AGBL4: variants seen among roughly 807,000 people sequenced by gnomAD.
AGBL4 encodes AGBL carboxypeptidase 4.
AGBL4 carries 58 observed loss-of-function variants against 66.4 expected under a neutral mutation model. That is an observed-to-expected ratio of 0.87 (90% CI 0.71 to 1.09). The LOEUF (loss-of-function observed/expected upper bound fraction) is 1.09, where lower values mean the gene tolerates loss of function less well. AGBL4 is among the 50% of genes least tolerant of loss of function. AGBL4 has a pLI of 0.00. For missense variants in AGBL4, 579 were observed against 631.0 expected (o/e 0.92, Z 0.88); for synonymous variants, 234 against 222.9 (o/e 1.05, Z -0.44).
chr1:49,698,953 A>G (rs1181597867), intron 2 of AGBL4, among the ~76,000 whole-genome samples: 1 of 152,036 alleles, frequency 6.6e-6, no homozygotes, highest in African/African-American at 2.4e-5. Flanking sequence ...CATCTTTTAT[A>G]TTATTAAATC....
At chr1:49,792,829 C>T (rs909677094) in intron 2 of AGBL4, among the ~76,000 whole-genome samples, 3 of 151,794 alleles carry the variant, frequency 2.0e-5, no homozygotes, top group African/African-American at 7.3e-5. Flanking sequence ...TAGGTATAGG[C>T]GTAAAACAGA....
At chr1:48,588,501 C>T (rs139822391) in intron 10 of AGBL4, among the ~76,000 whole-genome samples, 273 of 152,220 alleles carry the variant, frequency 1.8e-3, no homozygotes, top group Non-Finnish European at 3.2e-3. Flanking sequence ...GAAGGGCATT[C>T]TATGCTAACC....
intron 3 of AGBL4, among the ~76,000 whole-genome samples, chr1:49,334,604 G>A (rs1645397795): frequency 6.6e-6 from 1 of 152,144 alleles, no homozygotes; most frequent in South Asian, 2.1e-4. Context: ...AAGATTTAAT[G>A]AAGATCGTAT....
intron 4 of AGBL4, among the ~76,000 whole-genome samples, chr1:49,058,105 A>G (rs940475582): frequency 1.4e-4 from 21 of 152,300 alleles, no homozygotes; most frequent in South Asian, 8.3e-4. Context: ...ATAAAGGATT[A>G]ATCATTCACG....
At position 49,832,190 on chromosome 1, in the gene AGBL4, C is replaced by T. The variant is rs532194431; in HGVS notation, c.157+19206G>A. Among the ~76,000 whole-genome samples the T allele has an allele frequency of 4.0e-5, 6 of 150,548 alleles. No individual in the cohort carries two copies. The East Asian group carries it at 9.9e-4, about 25-fold the overall frequency. On this transcript the variant is annotated intron_variant, in intron 2 of 13. Coordinates refer to ENST00000371839, the MANE Select transcript of AGBL4 (RefSeq NM_032785.4). ...GTCCCCAGAGTGTGATGCTCCCCTT[C>T]CTGTGTCCATGTGTTCTCATTGTTC...
chr1:48,899,104 T>TCCGCA (rs1651832900), intron 5 of AGBL4, among the ~76,000 whole-genome samples: 1 of 152,216 alleles, frequency 6.6e-6, no homozygotes, highest in South Asian at 2.1e-4. Context: ...AGGCTGGCCT[T>TCCGCA]CCGCACCGTC....
intron 11 of AGBL4, among the ~76,000 whole-genome samples, chr1:48,577,523 C>G (rs955081151): frequency 6.6e-6 from 1 of 152,038 alleles, no homozygotes; most frequent in Non-Finnish European, 1.5e-5. Context: ...CAGATAAAAC[C>G]CTTAGAAACC....
intron 1 of AGBL4, among the ~76,000 whole-genome samples, chr1:49,891,084 G>A (rs1557552995): frequency 6.6e-6 from 1 of 152,126 alleles, no homozygotes; most frequent in Admixed American, 6.5e-5. Flanking sequence ...CTGAGTTAAG[G>A]GAGACAGTAA....
chr1:49,267,919 T>C (rs1341401778), intron 3 of AGBL4, among the ~76,000 whole-genome samples: 1 of 152,082 alleles, frequency 6.6e-6, no homozygotes, highest in African/African-American at 2.4e-5. Context: ...ACCACCCCCA[T>C]GATTCAATTA....
At chr1:48,750,917 C>A (rs1376535220) in intron 6 of AGBL4, among the ~76,000 whole-genome samples, 1 of 152,126 alleles carries the variant, frequency 6.6e-6, no homozygotes, top group Non-Finnish European at 1.5e-5. Context: ...TCAGAGTACC[C>A]CCTGGAGCAG....
intron 5 of AGBL4, among the ~76,000 whole-genome samples, chr1:49,000,745 A>G (rs1437770994): frequency 6.6e-6 from 1 of 152,206 alleles, no homozygotes; most frequent in Admixed American, 6.5e-5. Flanking sequence ...AAGTGTTTAT[A>G]ACCACTGCAT....
rs540723360 is a variant in AGBL4 at position 48,871,189 on chromosome 1, G to C, written c.595-3959C>G. 7.2e-5 allele frequency among the ~76,000 whole-genome samples: 11 copies of C among 152,254 alleles called. No homozygotes were observed. In the South Asian group the frequency reaches 2.3e-3, roughly 32 times the overall value. Reference sequence around the variant, plus strand: ...ATTATTATAATTGGTTGCCAACTGAGAGAGATAAGAGCCTTTAATATGGAT... The same window carrying C: ...ATTATTATAATTGGTTGCCAACTGACAGAGATAAGAGCCTTTAATATGGAT... On this transcript the variant is annotated intron_variant, in intron 5 of 13. Coordinates refer to ENST00000371839, the MANE Select transcript of AGBL4 (RefSeq NM_032785.4).
chr1:49,105,848 C>CT (rs1159638668), intron 4 of AGBL4, among the ~76,000 whole-genome samples: 2 of 152,112 alleles, frequency 1.3e-5, no homozygotes, highest in African/African-American at 4.8e-5. Flanking sequence ...ATAAATGTTC[C>CT]TTTTTTTGAT....
intron 2 of AGBL4, among the ~76,000 whole-genome samples, chr1:49,732,520 T>C (rs186849105): frequency 2.7e-3 from 409 of 152,264 alleles, no homozygotes; most frequent in South Asian, 8.9e-3. Context: ...AAACTATGTT[T>C]ATGAAATAAA....
chr1:49,608,974 C>A, intron 3 of AGBL4, among the ~76,000 whole-genome samples: 1 of 152,062 alleles, frequency 6.6e-6, no homozygotes, highest in Non-Finnish European at 1.5e-5. Context: ...TTTTAAAAAC[C>A]AAGTTTAATT....
the AGBL4 span, among the ~76,000 whole-genome samples, chr1:48,524,318 G>GA: frequency 7.3e-5 from 11 of 150,766 alleles, no homozygotes; most frequent in East Asian, 1.9e-4. Context: ...TCTGAAGAGA[G>GA]AAAAAAAAAG....
chr1:49,457,075 T>A (rs1316882495), intron 3 of AGBL4, among the ~76,000 whole-genome samples: 3 of 151,844 alleles, frequency 2.0e-5, no homozygotes, highest in African/African-American at 7.2e-5. Context: ...CTTCTCTTCC[T>A]CTGGGTAGAT....
In AGBL4 at chr1:49,233,577, G is replaced by A. The variant is rs192040908; in HGVS notation, c.377+12193C>T. Among the ~76,000 whole-genome samples, 165 of 152,238 alleles carry A rather than the reference G, an allele frequency of 1.1e-3. 2 individuals carry two copies. In the Middle Eastern group the frequency reaches 0.017, roughly 16 times the overall value. On this transcript the variant is annotated intron_variant, in intron 4 of 13. Coordinates refer to ENST00000371839, the MANE Select transcript of AGBL4 (RefSeq NM_032785.4). Reference sequence around the variant, plus strand: ...TCACATAACAGACACTGTCCTCAAGGAATTTGCAATTGGAATTTTTGATGG... The same window carrying A: ...TCACATAACAGACACTGTCCTCAAGAAATTTGCAATTGGAATTTTTGATGG...
At chr1:50,019,834 C>T (rs546143203) in intron 1 of AGBL4, among the ~76,000 whole-genome samples, 212 of 152,108 alleles carry the variant, frequency 1.4e-3, no homozygotes, top group Admixed American at 2.8e-3. Flanking sequence ...GACTAATACT[C>T]CTACATGTAA....
Sources: allele counts gnomAD v4.1 joint callset (sites outside exome capture counted in the v4.1 genomes callset), GRCh38; gene constraint gnomAD v4.1.1; transcripts MANE v1.5; gene names NCBI Gene and HGNC (gene_info 2026-07-23, HGNC 2026-07-21).